Variants in PRKG1 observed in about 807,000 individuals in gnomAD.
The protein encoded by PRKG1 is cGMP-dependent protein kinase 1.
In PRKG1, 35 loss-of-function variants were observed where a neutral mutation model predicts 88.1. The observed-to-expected ratio is 0.40, with a 90% CI of 0.30 to 0.53. PRKG1 has a LOEUF of 0.53. Among genes scored for constraint, PRKG1 ranks in the 20% least tolerant of loss-of-function variants. The pLI is 0.59. For missense variants in PRKG1, 540 were observed against 839.8 expected, an observed-to-expected ratio of 0.64 and a Z score of 4.41; for synonymous variants, 303 against 292.5, an observed-to-expected ratio of 1.04 and a Z score of -0.37.
chr10:51,612,067 A>G (rs1209381649), intron 3 of PRKG1, among the ~76,000 whole-genome samples: 3 of 151,966 alleles, frequency 2.0e-5, no homozygotes, highest in Non-Finnish European at 2.9e-5. Flanking sequence ...AAGTCAGGTA[A>G]TGTAATGATT....
chr10:51,943,936 C>T (rs1444286967), intron 5 of PRKG1, among the ~76,000 whole-genome samples: 1 of 151,908 alleles, frequency 6.6e-6, no homozygotes, highest in Non-Finnish European at 1.5e-5. Context: ...GTGTCTCTGC[C>T]CGGCTTTGGT....
chr10:52,213,863 T>C (rs1840044483), intron 9 of PRKG1, among the ~76,000 whole-genome samples: 1 of 152,180 alleles, frequency 6.6e-6, no homozygotes, highest in Non-Finnish European at 1.5e-5. Context: ...ATAAATAACT[T>C]ATAAATAATA....
At chr10:51,430,669 C>T (rs1838735625) in intron 2 of PRKG1, among the ~76,000 whole-genome samples, 1 of 152,036 alleles carries the variant, frequency 6.6e-6, no homozygotes, top group African/African-American at 2.4e-5. Context: ...ATAGCAACTT[C>T]TAATAGGCAA....
chr10:52,156,592 G>C (rs1271492589), intron 8 of PRKG1, among the ~76,000 whole-genome samples: 1 of 151,530 alleles, frequency 6.6e-6, no homozygotes, highest in Non-Finnish European at 1.5e-5. Context: ...TTTTATTTGG[G>C]GGTAATTTTT....
chr10:51,668,428 G>T (rs962840207), intron 3 of PRKG1, among the ~76,000 whole-genome samples: 2 of 152,192 alleles, frequency 1.3e-5, no homozygotes, highest in African/African-American at 4.8e-5. Context: ...TTTGTTTTGA[G>T]ACAGGGTCTT....
intron 1 of PRKG1, among the ~76,000 whole-genome samples, chr10:51,135,149 A>G (rs1384970062): frequency 2.0e-5 from 3 of 152,324 alleles, no homozygotes; most frequent in Non-Finnish European, 4.4e-5. Flanking sequence ...GAGTTAATTC[A>G]TCTAATTTGA....
At chr10:51,565,409 T>C (rs550249983) in intron 3 of PRKG1, among the ~76,000 whole-genome samples, 4 of 151,616 alleles carry the variant, frequency 2.6e-5, no homozygotes, top group Non-Finnish European at 5.9e-5. Flanking sequence ...ACCAAGAGAA[T>C]GAGTGGCAGT....
Position 51,076,811 on chromosome 10 carries a change from T to C in PRKG1, c.311+1910T>C, listed in dbSNP as rs1010634160. Reference sequence around the variant, plus strand: ...AATAATTTACAGCATCCCATTATAATAACATTTTATCTATCATTATAATAA... The same window carrying C: ...AATAATTTACAGCATCCCATTATAACAACATTTTATCTATCATTATAATAA... On this transcript the variant is annotated intron_variant, in intron 1 of 17. Transcript: ENST00000373980. 2.0e-5 allele frequency among the ~76,000 whole-genome samples: 3 copies of C among 152,126 alleles called. No homozygotes were observed. In the East Asian group the frequency reaches 5.8e-4, roughly 29 times the overall value.
intron 3 of PRKG1, among the ~76,000 whole-genome samples, chr10:51,571,466 A>G (rs927033982): frequency 4.0e-5 from 6 of 151,886 alleles, no homozygotes; most frequent in African/African-American, 1.4e-4. Context: ...GCTAAATGTT[A>G]TATAAACATA....
At chr10:51,712,525 A>G (rs1841779196) in intron 3 of PRKG1, among the ~76,000 whole-genome samples, 1 of 151,354 alleles carries the variant, frequency 6.6e-6, no homozygotes, top group Non-Finnish European at 1.5e-5. Flanking sequence ...AATATATAGC[A>G]GTATCATTAT....
intron 3 of PRKG1, among the ~76,000 whole-genome samples, chr10:51,726,615 G>A (rs565510082): frequency 1.3e-5 from 2 of 152,202 alleles, no homozygotes; most frequent in South Asian, 4.1e-4. Flanking sequence ...TGTGATATGT[G>A]TGTATACATT....
intron 2 of PRKG1, among the ~76,000 whole-genome samples, chr10:51,319,416 C>T (rs764154429): frequency 2.6e-5 from 4 of 152,156 alleles, no homozygotes; most frequent in Non-Finnish European, 4.4e-5. Flanking sequence ...CTGCTTTGTG[C>T]TATTGTTGGG....
intron 1 of PRKG1, 104 bp from the exon 2 acceptor site, chr10:51,153,060 A>G: frequency 1.1e-6 from 1 of 874,378 alleles, no homozygotes; most frequent in South Asian, 3.7e-5. Context: ...CTAACAAGAA[A>G]ATACATTTGT....
At chr10:51,507,683 T>G (rs562492818) in intron 3 of PRKG1, among the ~76,000 whole-genome samples, 70 of 152,114 alleles carry the variant, frequency 4.6e-4, no homozygotes, top group Non-Finnish European at 9.3e-4. Flanking sequence ...AAGAGCTGAC[T>G]GGGCACAAAT....
At chr10:52,017,049 G>A (rs1161536410) in intron 5 of PRKG1, among the ~76,000 whole-genome samples, 1 of 152,062 alleles carries the variant, frequency 6.6e-6, no homozygotes, top group Admixed American at 6.6e-5. Context: ...TTTGTCTGAG[G>A]AACAAAAAGA....
intron 2 of PRKG1, among the ~76,000 whole-genome samples, chr10:51,191,124 C>A (rs1334717498): frequency 6.6e-6 from 1 of 151,864 alleles, no homozygotes; most frequent in Non-Finnish European, 1.5e-5. Context: ...CATTGAATCT[C>A]TGACCATCCA....
At chr10:51,807,703 A>G (rs116351413) in intron 4 of PRKG1, among the ~76,000 whole-genome samples, 3,465 of 152,268 alleles carry the variant, frequency 0.023, 117 homozygotes, top group African/African-American at 0.078. Context: ...GGTATGAGGT[A>G]GGACTCCTTT....
chr10:52,139,960 T>C (rs1472971457), intron 8 of PRKG1, among the ~76,000 whole-genome samples: 1 of 152,190 alleles, frequency 6.6e-6, no homozygotes, highest in African/African-American at 2.4e-5. Context: ...AGTGCAAAAG[T>C]AACTAAAGAT....
chr10:51,396,420 A>T (rs567340007), intron 2 of PRKG1, among the ~76,000 whole-genome samples: 120 of 152,152 alleles, frequency 7.9e-4, no homozygotes, highest in African/African-American at 2.8e-3. Context: ...AGAGAAAGGG[A>T]TACAAGTTGT....
Sources: gnomAD v4.1 joint callset for allele counts (sites outside exome capture counted in the v4.1 genomes callset) on GRCh38, gnomAD v4.1.1 for gene constraint, MANE v1.5 for transcripts, NCBI Gene and HGNC (gene_info 2026-07-23, HGNC 2026-07-21) for gene names.